PCDHGA2: variants seen among roughly 807,000 people sequenced by gnomAD.
PCDHGA2 encodes the protein protocadherin gamma-A2.
PCDHGA2 carries 40 observed loss-of-function variants against 59.2 expected under a neutral mutation model. The observed-to-expected ratio is 0.68, with a 90% confidence interval of 0.52 to 0.88. PCDHGA2 has a LOEUF of 0.88. PCDHGA2 is among the 40% of genes least tolerant of loss of function. The probability of loss-of-function intolerance (pLI) is 0.00; values close to 1 mark genes in which losing one functional copy is unlikely to be tolerated. For missense variants in PCDHGA2, 1,226 were observed against 1,204.0 expected (o/e 1.02, Z -0.27); for synonymous variants, 560 against 526.0 (o/e 1.06, Z -0.89).
chr5:141,445,115 A>G (rs1038787011), intron 1 of PCDHGA2, among the ~76,000 whole-genome samples: 1 of 152,308 alleles, frequency 6.6e-6, no homozygotes, highest in East Asian at 1.9e-4. Flanking sequence ...GTTATTGTAA[A>G]TAGTATTTTT....
chr5:141,393,771 C>G (rs1207407733), intron 1 of PCDHGA2: 4 of 1,613,874 alleles, frequency 2.5e-6, no homozygotes, highest in Non-Finnish European at 3.4e-6. Context: ...AATGGAAATA[C>G]AAGCCGAAGA....
chr5:141,352,801 C>A, intron 1 of PCDHGA2: 3 of 912,248 alleles, frequency 3.3e-6, no homozygotes, highest in Non-Finnish European at 4.9e-6. Context: ...ACCAGCATAG[C>A]CAAGATGGTA....
chr5:141,372,387 G>A (rs771030632), intron 1 of PCDHGA2: 1 of 1,614,016 alleles, frequency 6.2e-7, no homozygotes, highest in East Asian at 2.2e-5. Flanking sequence ...CCTAATCTTC[G>A]CAGATAGCTT....
At position 141,431,335 on chromosome 5, in the gene PCDHGA2, C is replaced by A. The variant is rs747132346; in HGVS notation, c.2425-63472C>A. On this transcript the variant is annotated intron_variant, in intron 1 of 3. Transcript: ENST00000394576. This position sits in a 1 kb window ranked among gnomAD's most constrained non-coding sequence, Gnocchi z 4.8. ...ATGGAGCCGACGGTAGTAAGTACCCCGAATTGGTGCTGAAACGCGCCCTGG... is the reference window on the plus strand; with the variant it reads ...ATGGAGCCGACGGTAGTAAGTACCCAGAATTGGTGCTGAAACGCGCCCTGG... 11 of 1,613,944 alleles carry A rather than the reference C, an allele frequency of 6.8e-6. No homozygotes were observed. The Admixed American group carries it at 1.5e-4, about 22-fold the overall frequency.
In PCDHGA2 at chr5:141,431,371, A is replaced by G. The variant is rs2097366432; in HGVS notation, c.2425-63436A>G. The G allele has an allele frequency of 6.2e-7, 1 of 1,613,998 alleles. No individual in the cohort carries two copies. The highest frequency in any genetic ancestry group is 8.5e-7 in the Non-Finnish European group (1 of 1,180,038). ...TGAAACGCGCCCTGGACCGCGAAGA[A>G]AAGGCTGCTCACCACCTGGTCCTTA... On this transcript the variant is annotated intron_variant, in intron 1 of 3. Transcript: ENST00000394576. The surrounding 1 kb of genome is among the most constrained non-coding windows in gnomAD (Gnocchi z 4.8).
At chr5:141,472,066 T>C (rs1440684719) in intron 1 of PCDHGA2, among the ~76,000 whole-genome samples, 1 of 152,140 alleles carries the variant, frequency 6.6e-6, no homozygotes, top group African/African-American at 2.4e-5. Flanking sequence ...GACATGTCTG[T>C]GGTTATATCA....
In PCDHGA2 at chr5:141,370,921, C is replaced by T. The variant is rs1767318937; in HGVS notation, c.2424+29526C>T. Reference sequence around the variant, plus strand: ...CAGCAGTACTACCTCAGCCCTGATCCGCACTTCTCTTTGATTCAGAAGGAG... The same window carrying T: ...CAGCAGTACTACCTCAGCCCTGATCTGCACTTCTCTTTGATTCAGAAGGAG... On this transcript the variant is annotated intron_variant, in intron 1 of 3. Coordinates refer to ENST00000394576, the MANE Select transcript of PCDHGA2 (RefSeq NM_018915.4). 2 of 1,613,978 alleles carry T rather than the reference C, an allele frequency of 1.2e-6. No homozygotes were observed. Among genetic ancestry groups the T allele is most frequent in the Admixed American group, 1.7e-5 (1 of 60,006 alleles).
At chr5:141,379,501 T>C (rs969965140) in intron 1 of PCDHGA2, 7 of 152,268 alleles carry the variant, frequency 4.6e-5, no homozygotes, top group Non-Finnish European at 8.8e-5. Context: ...CAATTTGGGA[T>C]GTTAAACTAC....
chr5:141,375,336 A>G, intron 1 of PCDHGA2: 1 of 1,613,828 alleles, frequency 6.2e-7, no homozygotes, highest in African/African-American at 1.3e-5. Context: ...GTATTCTTGT[A>G]CAACATCACT....
At chr5:141,378,339 A>G (rs62378424) in intron 1 of PCDHGA2, 5,525 of 152,288 alleles carry the variant, frequency 0.036, 122 homozygotes, top group Middle Eastern at 0.092. Flanking sequence ...CCTGACCAAC[A>G]TGGTGAAACC....
chr5:141,453,288 A>ATTAT (rs577328880), intron 1 of PCDHGA2, among the ~76,000 whole-genome samples: 1,792 of 151,444 alleles, frequency 0.012, 41 homozygotes, highest in African/African-American at 0.034. Context: ...TAATTTTTTA[A>ATTAT]TTATTTATTT....
rs373408796 is a variant in PCDHGA2, at chr5:141,338,967, G to A, written c.-5G>A. ...TGACTCGGAGAAAATTGCGACAGGA[G>A]GGAAATGGCGGCTCTGCAAAAGTTG... On this transcript the variant is annotated 5_prime_UTR_variant, in exon 1 of 4. Transcript: ENST00000394576. 1.5e-5 allele frequency: 23 copies of A among 1,526,840 alleles called. No individual in the cohort carries two copies. In the African/African-American group the frequency reaches 3.1e-4, roughly 20 times the overall value. The allele number at this position is 1,526,840 out of a possible 1,614,324, so 94.6% of individuals were successfully genotyped here. A position where few individuals can be genotyped will look rare whatever the true frequency, so the allele number is the denominator to read the frequency against.
At chr5:141,504,147 T>C (rs2099836026) in intron 2 of PCDHGA2, among the ~76,000 whole-genome samples, 1 of 152,198 alleles carries the variant, frequency 6.6e-6, no homozygotes, top group South Asian at 2.1e-4. Flanking sequence ...CCCCTGCAAA[T>C]TGAAATAATT....
intron 1 of PCDHGA2, chr5:141,350,360 A>G: frequency 6.4e-7 from 1 of 1,570,858 alleles, no homozygotes; most frequent in Non-Finnish European, 8.6e-7. Context: ...GATCCGATAC[A>G]CGATTCCAGA....
rs149653507 is a variant in PCDHGA2 at position 141,469,869 on chromosome 5, G to A, written c.2425-24938G>A. Among the ~76,000 whole-genome samples, 591 of 152,290 alleles carry A rather than the reference G, an allele frequency of 3.9e-3. 6 individuals are homozygous for A. Among genetic ancestry groups the A allele is most frequent in the Admixed American group, 0.011 (171 of 15,304 alleles). On this transcript the variant is annotated intron_variant, in intron 1 of 3. Transcript: ENST00000394576. ...ATTCAGACCGGGTGCAATGGCTCACGCCTGTAATCTCGGCACTTTGGGAAG... is the reference window on the plus strand; with the variant it reads ...ATTCAGACCGGGTGCAATGGCTCACACCTGTAATCTCGGCACTTTGGGAAG...
Position 141,340,762 on chromosome 5 carries a change from C to A in PCDHGA2, c.1791C>A (p.Asp597Glu). Residue 597 changes from aspartate (D) to glutamate (E), a missense_variant, in exon 1 of 4, where the codon GAC (aspartate) becomes GAA (glutamate). Transcript: ENST00000394576. ...CCAAGGTGGTGGCGGTGGACAGAGACTCGGGCCAGAACGCCTGGCTGTCTT... is the reference window on the plus strand; with the variant it reads ...CCAAGGTGGTGGCGGTGGACAGAGAATCGGGCCAGAACGCCTGGCTGTCTT... Reference protein sequence around the residue: ...LVTKVVAVDRDSGQNAWLSYH... With the variant: ...LVTKVVAVDRESGQNAWLSYH... The A allele has an allele frequency of 6.2e-7, 1 of 1,613,988 alleles. No individual in the cohort carries two copies. Among genetic ancestry groups the A allele is most frequent in the South Asian group, 1.1e-5 (1 of 91,048 alleles).
chr5:141,495,939 G>A (rs1408330065), intron 2 of PCDHGA2, among the ~76,000 whole-genome samples: 1 of 151,994 alleles, frequency 6.6e-6, no homozygotes, highest in Non-Finnish European at 1.5e-5. Context: ...TCTGGTCTCT[G>A]TGCCTGTTGT....
At chr5:141,343,885 G>T in intron 1 of PCDHGA2, 1 of 650,068 alleles carries the variant, frequency 1.5e-6, no homozygotes. Context: ...AGAAGATCCG[G>T]GGCGGCTGCC....
chr5:141,395,414 T>A (rs1254527655), intron 1 of PCDHGA2: 7 of 780,958 alleles, frequency 9.0e-6, no homozygotes, highest in Non-Finnish European at 1.4e-5. Flanking sequence ...TAGGTTATTG[T>A]TTCATTTGCT....
Sources: allele counts gnomAD v4.1 joint callset (sites outside exome capture counted in the v4.1 genomes callset), GRCh38; gene constraint gnomAD v4.1.1; non-coding constraint Gnocchi (gnomAD v3.1); transcripts MANE v1.5; gene names NCBI Gene and HGNC (gene_info 2026-07-23, HGNC 2026-07-21).